UBR3: variants seen among roughly 807,000 people sequenced by gnomAD.
UBR3 encodes E3 ubiquitin-protein ligase UBR3.
Under a neutral mutation model 243.2 loss-of-function variants are expected in UBR3, and 85 were observed. That is an observed-to-expected ratio of 0.35 (90% CI 0.29 to 0.42). The LOEUF is 0.42. Among genes scored for constraint, UBR3 ranks in the 10% least tolerant of loss-of-function variants. UBR3 has a pLI of 1.00. For missense variants in UBR3, 1,686 were observed against 2,300.8 expected (o/e 0.73, Z 5.47); for synonymous variants, 748 against 799.8 (o/e 0.94, Z 1.09).
At chr2:169,959,144 TAA>T (rs2105367922) in intron 24 of UBR3, among the ~76,000 whole-genome samples, 1 of 152,162 alleles carries the variant, frequency 6.6e-6, no homozygotes, top group African/African-American at 2.4e-5. Flanking sequence ...GGAAAGAAAA[TAA>T]AGTCATGCAT....
intron 24 of UBR3, among the ~76,000 whole-genome samples, chr2:169,964,105 T>C (rs1429438721): frequency 6.6e-6 from 1 of 152,144 alleles, no homozygotes; most frequent in East Asian, 1.9e-4. Context: ...AATTATTGAA[T>C]AAAACTTTTA....
intron 22 of UBR3, chr2:169,949,387 G>A: frequency 2.4e-6 from 1 of 423,764 alleles, no homozygotes; most frequent in Non-Finnish European, 4.1e-6. Flanking sequence ...AGATGTTACT[G>A]CTGATGATCT....
intron 1 of UBR3, among the ~76,000 whole-genome samples, chr2:169,850,650 C>T (rs905364390): frequency 6.6e-6 from 1 of 152,132 alleles, no homozygotes; most frequent in African/African-American, 2.4e-5. Flanking sequence ...TGAGACCATC[C>T]TGGCTAACAC....
intron 27 of UBR3, among the ~76,000 whole-genome samples, chr2:170,002,857 T>C (rs1559175998): frequency 6.6e-6 from 1 of 152,118 alleles, no homozygotes; most frequent in Non-Finnish European, 1.5e-5. Context: ...TTATTTTATT[T>C]ATTTATTTAT....
chr2:169,891,579 G>A (rs2084376382), intron 6 of UBR3, among the ~76,000 whole-genome samples: 1 of 146,606 alleles, frequency 6.8e-6, no homozygotes, highest in Non-Finnish European at 1.5e-5. Flanking sequence ...AGTGAAAAAA[G>A]ACAAGGGAGA....
chr2:169,848,671 G>A (rs1452428910), intron 1 of UBR3, among the ~76,000 whole-genome samples: 1 of 151,292 alleles, frequency 6.6e-6, no homozygotes, highest in Non-Finnish European at 1.5e-5. Context: ...TAATATATAT[G>A]AGTAGATCTT....
chr2:170,012,034 A>G (rs958133430), intron 29 of UBR3, among the ~76,000 whole-genome samples: 59 of 152,228 alleles, frequency 3.9e-4, no homozygotes, highest in Middle Eastern at 3.4e-3. Flanking sequence ...ATGGAAAGAA[A>G]ATGAAACATA....
At chr2:169,985,016 TAAAA>T (rs35605936) in intron 24 of UBR3, among the ~76,000 whole-genome samples, 1 of 147,782 alleles carries the variant, frequency 6.8e-6, no homozygotes, top group African/African-American at 2.5e-5. Context: ...CAAGACTTAT[TAAAA>T]AAAAAAAGAT....
intron 11 of UBR3, 76 bp from the exon 12 acceptor site, chr2:169,923,853 G>A (rs1574211918): frequency 1.6e-6 from 2 of 1,273,456 alleles, no homozygotes. Flanking sequence ...TGAGAGTATG[G>A]TTTAAACATT....
Position 169,877,525 on chromosome 2 carries a change from T to C in UBR3, c.876T>C (p.Ser292=). The C allele has an allele frequency of 6.5e-7, 1 of 1,536,876 alleles. No individual in the cohort carries two copies. The highest frequency in any genetic ancestry group is 1.2e-5 in the South Asian group (1 of 80,348). Reference sequence around the variant, plus strand: ...GAGAAAATGCTTGTGTAAAGAAAAGTCATGAAAAGTACCTTATAGCTTTAA... The same window carrying C: ...GAGAAAATGCTTGTGTAAAGAAAAGCCATGAAAAGTACCTTATAGCTTTAA... ...GLGENACVKK[S]HEKYLIALKS... The change falls in exon 4 of 39, where the codon AGT becomes AGC. Residue 292 remains serine (S), a synonymous_variant. Coordinates refer to ENST00000272793, the MANE Select transcript of UBR3 (RefSeq NM_172070.4).
At chr2:169,859,221 A>G (rs13010792) in intron 1 of UBR3, among the ~76,000 whole-genome samples, 6 of 149,532 alleles carry the variant, frequency 4.0e-5, no homozygotes, top group Non-Finnish European at 7.4e-5. Flanking sequence ...ACAGGCACCC[A>G]CCACCATGCC....
At chr2:170,055,647 G>C in intron 33 of UBR3, 63 bp downstream of exon 33, 1 of 1,576,946 alleles carries the variant, frequency 6.3e-7, no homozygotes, top group Non-Finnish European at 8.6e-7. Flanking sequence ...TGGGGATATT[G>C]AGTGAATAAG....
chr2:170,062,262 A>G lies in UBR3; in HGVS notation c.5019+819A>G, dbSNP rs1183796717. On this transcript the variant is annotated intron_variant, in intron 35 of 38. Coordinates refer to ENST00000272793, the MANE Select transcript of UBR3 (RefSeq NM_172070.4). ...AGGAAACCAGAAGGTAAGTAAACCC[A>G]AACTGTGCTTATAGGAATGTGATCC... 2.0e-5 allele frequency among the ~76,000 whole-genome samples: 3 copies of G among 152,214 alleles called. No individual in the cohort carries two copies. The East Asian group carries it at 5.8e-4, about 29-fold the overall frequency.
In UBR3 at chr2:170,061,136, C is replaced by G; in HGVS notation, c.4843C>G (p.Leu1615Val). Residue 1615 changes from leucine (L) to valine (V), a missense_variant, in exon 34 of 39, where the codon CTA becomes GTA. By Grantham distance (32) the Leu-to-Val change is conservative (BLOSUM62 1). Coordinates refer to ENST00000272793, the MANE Select transcript of UBR3 (RefSeq NM_172070.4). Reference protein sequence around the residue: ...EVLLSFVISELFKGKLYHEEG... With the variant: ...EVLLSFVISEVFKGKLYHEEG... ...ATTACTGAGCTTTGTGATAAGTGAACTATTTAAAGGAAAGTTATACCATGA... is the reference window on the plus strand; with the variant it reads ...ATTACTGAGCTTTGTGATAAGTGAAGTATTTAAAGGAAAGTTATACCATGA... The G allele has an allele frequency of 6.2e-7, 1 of 1,600,720 alleles. No individual in the cohort carries two copies. Among genetic ancestry groups the G allele is most frequent in the Non-Finnish European group, 8.5e-7 (1 of 1,176,416 alleles).
rs1457806272 is a variant in UBR3 at position 169,895,286 on chromosome 2, A to G, written c.1211A>G (p.Asn404Ser). Residue 404 changes from asparagine to serine, a missense_variant, in exon 7 of 39, where the codon AAC (asparagine) becomes AGC (serine). Physicochemically the swap from Asn to Ser is conservative, Grantham distance 46. This residue lies in a region of UBR3 where 200 missense variants were observed against 231.6 expected (regional missense o/e 0.86). Transcript: ENST00000272793. The stretch of plus-strand genomic sequence containing the variant: ...CAAAAGATGGTAACTTTCTTACTCA[A>G]CATGCTTCCAGATCAAGAGTATAAG... Reference protein sequence around the residue: ...FPQKMVTFLLNMLPDQEYKVA... With the variant: ...FPQKMVTFLLSMLPDQEYKVA... 4 of 1,544,908 alleles carry G rather than the reference A, an allele frequency of 2.6e-6. No homozygotes were observed. Among genetic ancestry groups the G allele is most frequent in the Non-Finnish European group, 2.6e-6 (3 of 1,145,322 alleles).
At chr2:169,957,088 A>C (rs2087335733) in intron 23 of UBR3, among the ~76,000 whole-genome samples, 1 of 151,964 alleles carries the variant, frequency 6.6e-6, no homozygotes, top group African/African-American at 2.4e-5. Context: ...CTAACCTTTC[A>C]TTTTTTCTTC....
intron 10 of UBR3, among the ~76,000 whole-genome samples, chr2:169,908,583 T>G (rs2085111408): frequency 6.6e-6 from 1 of 152,184 alleles, no homozygotes; most frequent in Non-Finnish European, 1.5e-5. Context: ...GAGATAAATC[T>G]TAAGTAAGTA....
At chr2:170,006,207 G>A (rs758143342) in intron 27 of UBR3, among the ~76,000 whole-genome samples, 4 of 152,070 alleles carry the variant, frequency 2.6e-5, no homozygotes, top group Non-Finnish European at 5.9e-5. Flanking sequence ...CTCTGTTGTG[G>A]CATTTATCAC....
chr2:169,964,048 A>G (rs1274381365), intron 24 of UBR3, among the ~76,000 whole-genome samples: 2 of 152,344 alleles, frequency 1.3e-5, no homozygotes, highest in East Asian at 3.8e-4. Context: ...TACAAAACAA[A>G]GAAAATAGCT....
Sources: allele counts gnomAD v4.1 joint callset (sites outside exome capture counted in the v4.1 genomes callset), GRCh38; gene constraint gnomAD v4.1.1; regional missense constraint gnomAD v4.1.1; transcripts MANE v1.5; gene names NCBI Gene and HGNC (gene_info 2026-07-23, HGNC 2026-07-21).